RHOQ: variants seen among roughly 807,000 people sequenced by gnomAD.
The protein encoded by RHOQ is rho-related GTP-binding protein RhoQ.
RHOQ carries 7 observed loss-of-function variants against 25.8 expected under a neutral mutation model. The ratio of observed to expected loss-of-function variants is 0.27; its 90% CI spans 0.15 to 0.51. RHOQ has a LOEUF of 0.51. Ranked by LOEUF, RHOQ falls within the 20% of genes least tolerant of loss-of-function variation. The probability of loss-of-function intolerance (pLI) is 0.97; values close to 1 mark genes in which losing one functional copy is unlikely to be tolerated. For missense variants in RHOQ, 165 were observed against 260.6 expected (o/e 0.63, Z 2.53); for synonymous variants, 97 against 98.6 (o/e 0.98, Z 0.10).
Position 46,576,128 on chromosome 2 carries a change from C to A in RHOQ, c.243C>A (p.Thr81=), listed in dbSNP as rs201576841. ...TGAGGCCTTTATCTTACCCAATGAC[C>A]GATGTCTTCCTTATATGCTTCTCGG... ...DRLRPLSYPM[T]DVFLICFSVV... The change falls in exon 3 of 5, where the codon ACC becomes ACA. Residue 81 remains threonine (T), a synonymous_variant. Coordinates refer to ENST00000238738, the MANE Select transcript of RHOQ (RefSeq NM_012249.4). The surrounding 1 kb of genome is among the most constrained non-coding windows in gnomAD (Gnocchi z 5.1). 4.3e-6 allele frequency: 7 copies of A among 1,612,156 alleles called. No individual in the cohort carries two copies. The Admixed American group carries it at 5.0e-5, about 12-fold the overall frequency.
At chr2:46,553,440 G>A (rs1385165366) in intron 2 of RHOQ, among the ~76,000 whole-genome samples, 1 of 152,140 alleles carries the variant, frequency 6.6e-6, no homozygotes, top group Non-Finnish European at 1.5e-5. Flanking sequence ...ATGGAGAATA[G>A]GGTATCCATC....
At position 46,576,922 on chromosome 2, in the gene RHOQ, C is replaced by G; in HGVS notation, c.462+266C>G. 3.3e-6 allele frequency: 1 copy of G among 302,954 alleles called. No individual in the cohort carries two copies. The highest frequency in any genetic ancestry group is 6.1e-6 in the Non-Finnish European group (1 of 164,576). The allele number at this position is 302,954 out of a possible 1,614,324, so 18.8% of individuals were successfully genotyped here. On this transcript the variant is annotated intron_variant, in intron 4 of 4. Coordinates refer to ENST00000238738, the MANE Select transcript of RHOQ (RefSeq NM_012249.4). The surrounding 1 kb of genome is among the most constrained non-coding windows in gnomAD (Gnocchi z 5.1). ...TGGGTTTCAGTCCAAAGCCTGACTCCTGGGCCGAGACTCTTACACCTTTGC... is the reference window on the plus strand; with the variant it reads ...TGGGTTTCAGTCCAAAGCCTGACTCGTGGGCCGAGACTCTTACACCTTTGC...
chr2:46,569,211 C>T lies in RHOQ; in HGVS notation c.202-6876C>T, dbSNP rs1668834841. On this transcript the variant is annotated intron_variant, in intron 2 of 4. Coordinates refer to ENST00000238738, the MANE Select transcript of RHOQ (RefSeq NM_012249.4). The surrounding 1 kb of genome is among the most constrained non-coding windows in gnomAD (Gnocchi z 4.1). ...ATTTATCTTAACATGTGTATTTATT[C>T]TCCCTTCACAGATGGGGAAGTGAAG... is the stretch of plus-strand genomic sequence containing the variant. The T allele has an allele frequency of 6.6e-6, 1 of 152,218 alleles. No individual in the cohort carries two copies. Among genetic ancestry groups the T allele is most frequent in the South Asian group, 2.1e-4 (1 of 4,830 alleles). The allele number at this position is 152,218 out of a possible 1,614,324, so 9.4% of individuals were successfully genotyped here.
intron 2 of RHOQ, among the ~76,000 whole-genome samples, chr2:46,571,141 C>G (rs1255504792): frequency 6.6e-6 from 1 of 152,200 alleles, no homozygotes; most frequent in Non-Finnish European, 1.5e-5. Flanking sequence ...TCCAAGAGGT[C>G]TTTTCTTAGT....
Position 46,567,339 on chromosome 2 carries a change from A to G in RHOQ, c.202-8748A>G, listed in dbSNP as rs184659246. Among the ~76,000 whole-genome samples, 9 of 151,996 alleles carry G rather than the reference A, an allele frequency of 5.9e-5. No homozygotes were observed. In the East Asian group the frequency reaches 1.7e-3, roughly 29 times the overall value. On this transcript the variant is annotated intron_variant, in intron 2 of 4. Transcript: ENST00000238738. ...TACTAACAGCAATGTAGCCAGTGGC[A>G]TGTGGTTTTCTGTGATGGTAAGTAA... is the stretch of plus-strand genomic sequence containing the variant.
intron 2 of RHOQ, among the ~76,000 whole-genome samples, chr2:46,572,108 T>G (rs1377619855): frequency 6.3e-5 from 5 of 78,788 alleles, no homozygotes; most frequent in East Asian, 5.2e-4. Flanking sequence ...TAAGTGTGTG[T>G]TTTTTTTTTT....
chr2:46,567,950 C>T (rs944061659), intron 2 of RHOQ, among the ~76,000 whole-genome samples: 7 of 151,810 alleles, frequency 4.6e-5, no homozygotes, highest in Admixed American at 6.6e-5. Flanking sequence ...GGCATATGCC[C>T]GTAGTATCAA....
intron 2 of RHOQ, among the ~76,000 whole-genome samples, chr2:46,546,486 A>ATATATATATATG (rs1668062438): frequency 4.6e-5 from 1 of 21,656 alleles, no homozygotes; most frequent in African/African-American, 2.5e-4. Flanking sequence ...GTATATATAT[A>ATATATATATATG]TATATATATA....
At chr2:46,545,890 G>A (rs1430557078) in intron 2 of RHOQ, among the ~76,000 whole-genome samples, 2 of 152,104 alleles carry the variant, frequency 1.3e-5, no homozygotes, top group Non-Finnish European at 1.5e-5. Context: ...ATATATGGCC[G>A]TAATTACTCT....
chr2:46,569,087 C>T lies in RHOQ; in HGVS notation c.202-7000C>T, dbSNP rs1187103176. Reference sequence around the variant, plus strand: ...CAACTGGGGAAGTCACCTCACCATGCACAGAAGAAATAGCACTGGCTCCGA... The same window carrying T: ...CAACTGGGGAAGTCACCTCACCATGTACAGAAGAAATAGCACTGGCTCCGA... On this transcript the variant is annotated intron_variant, in intron 2 of 4. Coordinates refer to ENST00000238738, the MANE Select transcript of RHOQ (RefSeq NM_012249.4). This position sits in a 1 kb window ranked among gnomAD's most constrained non-coding sequence, Gnocchi z 4.1. The T allele has an allele frequency of 3.3e-5, 5 of 152,206 alleles. No individual in the cohort carries two copies. The highest frequency in any genetic ancestry group is 1.2e-4 in the African/African-American group (5 of 41,434). 9.4% of individuals were successfully genotyped at this position (152,206 alleles called of 1,614,324 possible).
Position 46,567,508 on chromosome 2 carries a change from C to T in RHOQ, c.202-8579C>T, listed in dbSNP as rs1008760880. Among the ~76,000 whole-genome samples, 7 of 152,024 alleles carry T rather than the reference C, an allele frequency of 4.6e-5. No individual in the cohort carries two copies. In the East Asian group the frequency reaches 9.6e-4, roughly 21 times the overall value. ...TCCCAGGCTCAAGTGATCTTCCCACCTCAGCCTGCCAAGTAGCTGGGACTA... is the reference window on the plus strand; with the variant it reads ...TCCCAGGCTCAAGTGATCTTCCCACTTCAGCCTGCCAAGTAGCTGGGACTA... On this transcript the variant is annotated intron_variant, in intron 2 of 4. Transcript: ENST00000238738.
rs1430081433 is a variant in RHOQ, at chr2:46,542,718, C to T, written c.-329C>T. 1.4e-5 allele frequency: 2 copies of T among 146,912 alleles called. No individual in the cohort carries two copies. The highest frequency in any genetic ancestry group is 2.0e-4 in the South Asian group (1 of 4,958). 9.1% of individuals were successfully genotyped at this position (146,912 alleles called of 1,614,324 possible). A position where few individuals can be genotyped will look rare whatever the true frequency, so the allele number is the denominator to read the frequency against. Reference sequence around the variant, plus strand: ...GCCCTCCCCAAAGTTGCCGTCTCCCCCGGGGCCGGCCGGTCTTATGATCCG... The same window carrying T: ...GCCCTCCCCAAAGTTGCCGTCTCCCTCGGGGCCGGCCGGTCTTATGATCCG... On this transcript the variant is annotated 5_prime_UTR_variant, in exon 1 of 5. Transcript: ENST00000238738.
At position 46,555,198 on chromosome 2, in the gene RHOQ, C is replaced by T. The variant is rs1424638101; in HGVS notation, c.201+11386C>T. On this transcript the variant is annotated intron_variant, in intron 2 of 4. Transcript: ENST00000238738. This position sits in a 1 kb window ranked among gnomAD's most constrained non-coding sequence, Gnocchi z 4.3. ...AGGCTGAGGCACCCCATGACCTCCT[C>T]ACCTCTGACTCCGGCCCTCTAGTGG... is the stretch of plus-strand genomic sequence containing the variant. Among the ~76,000 whole-genome samples the T allele has an allele frequency of 6.6e-6, 1 of 152,252 alleles. No individual in the cohort carries two copies. Among genetic ancestry groups the T allele is most frequent in the East Asian group, 1.9e-4 (1 of 5,196 alleles).
Position 46,581,269 on chromosome 2 carries a change from G to C in RHOQ, c.*186G>C, listed in dbSNP as rs1435719549. 1 of 941,650 alleles carries C rather than the reference G, an allele frequency of 1.1e-6. No homozygotes were observed. The highest frequency in any genetic ancestry group is 1.6e-6 in the Non-Finnish European group (1 of 640,762). The allele number at this position is 941,650 out of a possible 1,614,324, so 58.3% of individuals were successfully genotyped here. ...TTAAAGGTTTAAGAAGCAGTAAGCA[G>C]CATCTGAAGCCACAATCTATTATAA... On this transcript the variant is annotated 3_prime_UTR_variant, in exon 5 of 5. Coordinates refer to ENST00000238738, the MANE Select transcript of RHOQ (RefSeq NM_012249.4).
intron 1 of RHOQ, 43 bp downstream of exon 1, chr2:46,543,231 G>C (rs771578938): frequency 3.7e-6 from 6 of 1,607,040 alleles, no homozygotes; most frequent in Non-Finnish European, 5.1e-6. Context: ...TCCCCGGGCC[G>C]GGAACTTTGG....
At chr2:46,570,464 A>G (rs1197258948) in intron 2 of RHOQ, among the ~76,000 whole-genome samples, 1 of 152,158 alleles carries the variant, frequency 6.6e-6, no homozygotes, top group Non-Finnish European at 1.5e-5. Flanking sequence ...AAAAAAAGAA[A>G]TGAGGTTTCA....
At chr2:46,580,893 T>A (rs758740647) in intron 4 of RHOQ, 35 bp from the exon 5 acceptor site, 4 of 1,425,010 alleles carry the variant, frequency 2.8e-6, no homozygotes, top group Non-Finnish European at 3.7e-6. Context: ...ATAAACATGA[T>A]CTTATATATT....
Position 46,550,295 on chromosome 2 carries a change from AG to A in RHOQ, c.201+6485del, listed in dbSNP as rs563898737. Among the ~76,000 whole-genome samples the A allele has an allele frequency of 6.0e-4, 91 of 152,342 alleles. No individual in the cohort carries two copies. The South Asian group carries it at 0.018, about 30-fold the overall frequency. ...TGACTGTCAGCTTGTTTCTGCTAAA[AG>A]GTTAACCAAGGACTAAAGTCATAGC... On this transcript the variant is annotated intron_variant, in intron 2 of 4. Transcript: ENST00000238738.
intron 2 of RHOQ, among the ~76,000 whole-genome samples, chr2:46,544,394 G>A (rs933502191): frequency 2.0e-5 from 3 of 152,240 alleles, no homozygotes; most frequent in African/African-American, 7.2e-5. Context: ...CCTGGGGTGG[G>A]GAGGAAGGGT....
Sources: allele counts gnomAD v4.1 joint callset (sites outside exome capture counted in the v4.1 genomes callset), GRCh38; gene constraint gnomAD v4.1.1; non-coding constraint Gnocchi (gnomAD v3.1); transcripts MANE v1.5; gene names NCBI Gene and HGNC (gene_info 2026-07-23, HGNC 2026-07-21).